NHP2: variants seen among roughly 807,000 people sequenced by gnomAD.
NHP2 encodes the protein NHP2 ribonucleoprotein.
Under a neutral mutation model 16.7 loss-of-function variants are expected in NHP2, and 10 were observed. The ratio of observed to expected loss-of-function variants is 0.60; its 90% CI spans 0.37 to 1.01. The LOEUF (loss-of-function observed/expected upper bound fraction) is 1.01, where lower values mean the gene tolerates loss of function less well. Ranked by LOEUF, NHP2 falls within the 50% of genes least tolerant of loss-of-function variation. The pLI is 0.01. For missense variants in NHP2, 184 were observed against 198.3 expected (o/e 0.93, Z 0.43); for synonymous variants, 87 against 78.9 (o/e 1.10, Z -0.54).
chr5:178,150,446 T>A, intron 3 of NHP2: 1 of 351,478 alleles, frequency 2.8e-6, no homozygotes, highest in Non-Finnish European at 5.6e-6. Context: ...TGGTGTATGA[T>A]CATGGCTCAC....
Position 178,153,845 on chromosome 5 carries a change from G to C in NHP2, c.-28C>G. On this transcript the variant is annotated 5_prime_UTR_variant, in exon 1 of 4. Transcript: ENST00000274606. ...CAGCGGCCGCTGAAACCTAGTCCCA[G>C]GGAGGCGAGCCCACGCGGTCCACAG... The C allele has an allele frequency of 6.3e-7, 1 of 1,594,216 alleles. No homozygotes were observed. Among genetic ancestry groups the C allele is most frequent in the Non-Finnish European group, 8.5e-7 (1 of 1,170,730 alleles).
Position 178,153,767 on chromosome 5 carries a change from C to T in NHP2, c.51G>A (p.Ala17=), listed in dbSNP as rs1046004686. ...DPDGPEAQAE[A]CSGERTYQEL... ...CCTGGTAGGTGCGCTCCCCGGAACA[C>T]GCCTCCGCCTGAGCCTCGGGCCCGT... is the stretch of plus-strand genomic sequence containing the variant. The change falls in exon 1 of 4, where the codon GCG becomes GCA. Residue 17 remains alanine, a synonymous_variant. Transcript: ENST00000274606. 1.9e-6 allele frequency: 3 copies of T among 1,612,754 alleles called. No individual in the cohort carries two copies. Among genetic ancestry groups the T allele is most frequent in the Non-Finnish European group, 1.7e-6 (2 of 1,179,366 alleles).
intron 3 of NHP2, 115 bp downstream of exon 3, chr5:178,150,773 A>C: frequency 1.3e-6 from 1 of 794,126 alleles, no homozygotes; most frequent in Non-Finnish European, 2.3e-6. Context: ...CTGAGAATCC[A>C]TCCAGGCCTG....
At position 178,153,758 on chromosome 5, in the gene NHP2, C is replaced by T; in HGVS notation, c.60G>A (p.Gly20=). 6.2e-7 allele frequency: 1 copy of T among 1,613,312 alleles called. No homozygotes were observed. The highest frequency in any genetic ancestry group is 8.5e-7 in the Non-Finnish European group (1 of 1,179,648). The change falls in exon 1 of 4, where the codon GGG becomes GGA. Residue 20 remains glycine (G), a synonymous_variant. Transcript: ENST00000274606. ...CCAGCAGCTCCTGGTAGGTGCGCTC[C>T]CCGGAACACGCCTCCGCCTGAGCCT... ...GPEAQAEACS[G]ERTYQELLVN...
At position 178,150,945 on chromosome 5, in the gene NHP2, A is replaced by T; in HGVS notation, c.279T>A (p.His93Gln). 1 of 1,614,088 alleles carries T rather than the reference A, an allele frequency of 6.2e-7. No individual in the cohort carries two copies. The highest frequency in any genetic ancestry group is 1.7e-4 in the Middle Eastern group (1 of 6,026). The change falls in exon 3 of 4, where the codon CAT (histidine) becomes CAA (glutamine). Residue 93 changes from histidine to glutamine, a missense_variant. By Grantham distance (24) the His-to-Gln change is conservative. Transcript: ENST00000274606. ...TTCGGTCCTCACACATGACTGGGAGATGGCAGTATACCTCAATGGGCAGTG... is the reference window on the plus strand; with the variant it reads ...TTCGGTCCTCACACATGACTGGGAGTTGGCAGTATACCTCAATGGGCAGTG... ...GDTLPIEVYC[H>Q]LPVMCEDRNL...
intron 3 of NHP2, chr5:178,150,505 A>G: frequency 2.7e-6 from 1 of 364,020 alleles, no homozygotes; most frequent in Non-Finnish European, 5.4e-6. Context: ...TTAGCCTCCC[A>G]AGTGGCTGGG....
chr5:178,152,515 C>T (rs1243062471), intron 2 of NHP2, among the ~76,000 whole-genome samples: 5 of 152,158 alleles, frequency 3.3e-5, no homozygotes, highest in Admixed American at 3.3e-4. Context: ...CTCTTGAGCA[C>T]CTACAGTTTC....
At chr5:178,151,849 G>A (rs538539874) in intron 2 of NHP2, among the ~76,000 whole-genome samples, 3 of 152,048 alleles carry the variant, frequency 2.0e-5, no homozygotes, top group Non-Finnish European at 4.4e-5. Flanking sequence ...CCATCTGCCT[G>A]TTTGACAGTT....
In NHP2 at chr5:178,153,572, G is replaced by A; in HGVS notation, c.161-12C>T. ...CTTCTGCTTCACCGCTGCAACGACA[G>A]AAGAGTCGGTCGGGGGCCTCGCTCA... On this transcript the variant is annotated splice_polypyrimidine_tract_variant and intron_variant, in intron 1 of 3. Transcript: ENST00000274606. 1.2e-6 allele frequency: 2 copies of A among 1,614,082 alleles called. No individual in the cohort carries two copies. Among genetic ancestry groups the A allele is most frequent in the Non-Finnish European group, 1.7e-6 (2 of 1,179,900 alleles).
chr5:178,152,959 A>C (rs993025588), intron 2 of NHP2, among the ~76,000 whole-genome samples: 6 of 152,232 alleles, frequency 3.9e-5, no homozygotes, highest in African/African-American at 1.4e-4. Flanking sequence ...GGCGTGGCGC[A>C]AGCCGGTGGT....
chr5:178,150,415 G>A (rs1581135947), intron 3 of NHP2: 1 of 312,992 alleles, frequency 3.2e-6, no homozygotes, highest in Non-Finnish European at 6.3e-6. Flanking sequence ...GCCTCACTCT[G>A]TCATGCAGTC....
At chr5:178,150,634 T>C in intron 3 of NHP2, 1 of 649,476 alleles carries the variant, frequency 1.5e-6, no homozygotes, top group Non-Finnish European at 2.9e-6. Flanking sequence ...CCTCCTGTCT[T>C]GGCCTCCCAA....
In NHP2 at chr5:178,149,632, G is replaced by A; in HGVS notation, c.*81C>T. On this transcript the variant is annotated 3_prime_UTR_variant, in exon 4 of 4. Coordinates refer to ENST00000274606, the MANE Select transcript of NHP2 (RefSeq NM_017838.4). Reference sequence around the variant, plus strand: ...GAACTGGGAAGATGCCGTCAGTGTGGGTGGGCAGGAGGACAGCCAGTCGTC... The same window carrying A: ...GAACTGGGAAGATGCCGTCAGTGTGAGTGGGCAGGAGGACAGCCAGTCGTC... 6.3e-7 allele frequency: 1 copy of A among 1,587,664 alleles called. No homozygotes were observed. The highest frequency in any genetic ancestry group is 8.6e-7 in the Non-Finnish European group (1 of 1,161,620).
intron 2 of NHP2, chr5:178,153,186 C>G: frequency 4.3e-6 from 2 of 470,284 alleles, no homozygotes; most frequent in Non-Finnish European, 3.9e-6. Context: ...AGGGCGGGGG[C>G]CGGAGGTAAT....
chr5:178,150,772 C>T (rs1756255539), intron 3 of NHP2, 116 bp downstream of exon 3: 2 of 790,498 alleles, frequency 2.5e-6, no homozygotes, highest in Non-Finnish European at 4.7e-6. Context: ...GCTGAGAATC[C>T]ATCCAGGCCT....
intron 2 of NHP2, among the ~76,000 whole-genome samples, chr5:178,151,767 T>C (rs1756284240): frequency 6.6e-6 from 1 of 152,116 alleles, no homozygotes; most frequent in Admixed American, 6.6e-5. Context: ...AGGTGCCATC[T>C]ATGTGCTGAA....
intron 2 of NHP2, 140 bp from the exon 3 acceptor site, chr5:178,151,133 T>C (rs1756268568): frequency 2.6e-6 from 2 of 759,856 alleles, no homozygotes; most frequent in South Asian, 1.4e-5. Context: ...CTCTACCTCT[T>C]GGCAACATAC....
At chr5:178,152,899 C>G (rs1163690239) in intron 2 of NHP2, among the ~76,000 whole-genome samples, 5 of 152,196 alleles carry the variant, frequency 3.3e-5, no homozygotes, top group Non-Finnish European at 7.3e-5. Flanking sequence ...CCAGCCCGGG[C>G]AACATGGCGA....
intron 3 of NHP2, 189 bp downstream of exon 3, chr5:178,150,699 C>T (rs767412404): frequency 1.4e-6 from 1 of 732,922 alleles, no homozygotes; most frequent in Non-Finnish European, 2.5e-6. Flanking sequence ...TCCCACTTTA[C>T]AAGATGGGAA....
Sources: allele counts gnomAD v4.1 joint callset (sites outside exome capture counted in the v4.1 genomes callset), GRCh38; gene constraint gnomAD v4.1.1; transcripts MANE v1.5; gene names NCBI Gene and HGNC (gene_info 2026-07-23, HGNC 2026-07-21).